The following SLC4A10 variants were observed in gnomAD, a reference collection of about 807,000 sequenced individuals.
The protein encoded by SLC4A10 is solute carrier family 4 member 10.
In SLC4A10, 42 loss-of-function variants were observed where a neutral mutation model predicts 137.7. The observed-to-expected ratio is 0.30, with a 90% confidence interval of 0.24 to 0.39. The LOEUF (loss-of-function observed/expected upper bound fraction) is 0.39. Ranked by LOEUF, SLC4A10 falls within the 10% of genes least tolerant of loss-of-function variation. The pLI, the probability that SLC4A10 is intolerant of heterozygous loss-of-function variation, is 1.00. For missense variants in SLC4A10, 925 were observed against 1,355.0 expected, an observed-to-expected ratio of 0.68 and a Z score of 4.98; for synonymous variants, 474 against 464.1, an observed-to-expected ratio of 1.02 and a Z score of -0.27.
intron 1 of SLC4A10, among the ~76,000 whole-genome samples, chr2:161,661,479 AG>A (rs1480402737): frequency 2.6e-5 from 4 of 152,290 alleles, no homozygotes; most frequent in Admixed American, 6.5e-5. Flanking sequence ...TCTCAAAAAA[AG>A]AGAGACAAGA....
chr2:161,883,810 A>G (rs923677876), intron 10 of SLC4A10, among the ~76,000 whole-genome samples: 1 of 151,990 alleles, frequency 6.6e-6, no homozygotes, highest in African/African-American at 2.4e-5. Context: ...ATTTTCTGTT[A>G]TGAAGACAGA....
At chr2:161,693,101 G>A (rs2042161955) in intron 1 of SLC4A10, among the ~76,000 whole-genome samples, 1 of 152,032 alleles carries the variant, frequency 6.6e-6, no homozygotes, top group South Asian at 2.1e-4. Flanking sequence ...GCAAGTTCGA[G>A]TGTATCACTT....
chr2:161,879,440 G>C (rs1258400423), intron 9 of SLC4A10, among the ~76,000 whole-genome samples, 152 bp downstream of exon 9: 1 of 151,912 alleles, frequency 6.6e-6, no homozygotes, highest in Non-Finnish European at 1.5e-5. Context: ...GTGGAGGAGG[G>C]GAAAAGTGCT....
At chr2:161,817,634 T>C (rs2057217806) in intron 3 of SLC4A10, among the ~76,000 whole-genome samples, 1 of 152,220 alleles carries the variant, frequency 6.6e-6, no homozygotes, top group Non-Finnish European at 1.5e-5. Flanking sequence ...AAGTCTTTAA[T>C]CCATCTTGAA....
chr2:161,772,557 A>C (rs1006337556), intron 2 of SLC4A10, among the ~76,000 whole-genome samples: 49 of 151,910 alleles, frequency 3.2e-4, no homozygotes, highest in African/African-American at 1.1e-3. Flanking sequence ...AATGGTGTGC[A>C]ATGCTTACTA....
intron 1 of SLC4A10, among the ~76,000 whole-genome samples, chr2:161,665,868 T>A (rs1204833432): frequency 6.7e-6 from 1 of 150,362 alleles, no homozygotes; most frequent in Non-Finnish European, 1.5e-5. Context: ...GTCATGAGCA[T>A]CCAAATGTTT....
At chr2:161,756,065 G>C (rs745626728) in intron 1 of SLC4A10, among the ~76,000 whole-genome samples, 1 of 152,072 alleles carries the variant, frequency 6.6e-6, no homozygotes, top group South Asian at 2.1e-4. Flanking sequence ...CACCGCACCT[G>C]GCCCCTTTAA....
intron 2 of SLC4A10, among the ~76,000 whole-genome samples, chr2:161,779,627 C>A (rs983439926): frequency 3.3e-5 from 5 of 151,758 alleles, no homozygotes; most frequent in African/African-American, 1.2e-4. Context: ...AATTGAAAAA[C>A]AGTTTTAAAA....
chr2:161,928,015 T>A (rs1490481380), intron 15 of SLC4A10, among the ~76,000 whole-genome samples: 5 of 150,624 alleles, frequency 3.3e-5, no homozygotes, highest in African/African-American at 1.2e-4. Context: ...AGCCATCCCA[T>A]TACTGGGTAT....
chr2:161,759,639 T>G (rs890673968), intron 1 of SLC4A10, among the ~76,000 whole-genome samples: 5 of 152,014 alleles, frequency 3.3e-5, no homozygotes, highest in Non-Finnish European at 5.9e-5. Context: ...GTTGATCATT[T>G]TTATGTCATC....
rs542933757 is a variant in SLC4A10 at position 161,792,125 on chromosome 2, T to C, written c.131-12324T>C. Among the ~76,000 whole-genome samples the C allele has an allele frequency of 2.6e-5, 4 of 152,302 alleles. No individual in the cohort carries two copies. The South Asian group carries it at 8.3e-4, about 32-fold the overall frequency. On this transcript the variant is annotated intron_variant, in intron 2 of 26. Transcript: ENST00000446997. ...ATAATAACTCACTCACTATTTGGTA[T>C]ATTTGCTCTTTAATGTGACATGACA...
chr2:161,979,280 A>G (rs1372506345), intron 26 of SLC4A10, among the ~76,000 whole-genome samples: 6 of 152,248 alleles, frequency 3.9e-5, no homozygotes, highest in Admixed American at 2.0e-4. Flanking sequence ...TTCACCAGAA[A>G]AATCTTTTTG....
chr2:161,879,059 C>A, intron 8 of SLC4A10, 72 bp from the exon 9 acceptor site: 1 of 1,342,120 alleles, frequency 7.5e-7, no homozygotes, highest in Non-Finnish European at 1.0e-6. Flanking sequence ...ATATGTGAAG[C>A]ACTGTGCAAG....
At chr2:161,747,890 T>G (rs948451577) in intron 1 of SLC4A10, among the ~76,000 whole-genome samples, 1 of 152,200 alleles carries the variant, frequency 6.6e-6, no homozygotes, top group Non-Finnish European at 1.5e-5. Flanking sequence ...CCATAATGGC[T>G]GTATCAATTT....
chr2:161,877,294 G>A (rs76196878), intron 8 of SLC4A10, among the ~76,000 whole-genome samples: 2,428 of 151,746 alleles, frequency 0.016, 66 homozygotes, highest in African/African-American at 0.056. Flanking sequence ...TATCAATTAT[G>A]GATTTTAAAA....
chr2:161,967,547 T>TA (rs1393137556), intron 23 of SLC4A10, among the ~76,000 whole-genome samples: 1 of 152,198 alleles, frequency 6.6e-6, no homozygotes, highest in Non-Finnish European at 1.5e-5. Context: ...ATGTGCTCCT[T>TA]ACAATTTTCA....
At chr2:161,701,622 G>T (rs2043125820) in intron 1 of SLC4A10, among the ~76,000 whole-genome samples, 1 of 151,850 alleles carries the variant, frequency 6.6e-6, no homozygotes, top group South Asian at 2.1e-4. Context: ...TATGCAGTAA[G>T]TTATTGTTGA....
Position 161,783,429 on chromosome 2 carries a change from AG to A in SLC4A10, c.130+12376del, listed in dbSNP as rs139763349. On this transcript the variant is annotated intron_variant, in intron 2 of 26. Coordinates refer to ENST00000446997, the MANE Select transcript of SLC4A10 (RefSeq NM_001178015.2). The stretch of plus-strand genomic sequence containing the variant: ...ACAAGATAGCATAAGAAAGTATAAA[AG>A]TATTGGTAAAGGTAAATATATAGAC... 6.4e-3 allele frequency among the ~76,000 whole-genome samples: 980 copies of A among 152,158 alleles called. 11 individuals carry two copies. Among genetic ancestry groups the A allele is most frequent in the African/African-American group, 0.022 (930 of 41,562 alleles).
chr2:161,754,341 C>T (rs1257666616), intron 1 of SLC4A10, among the ~76,000 whole-genome samples: 3 of 152,148 alleles, frequency 2.0e-5, no homozygotes, highest in East Asian at 3.9e-4. Context: ...TTTAAAATTG[C>T]AATAGAATTT....
Sources: allele counts gnomAD v4.1 joint callset (sites outside exome capture counted in the v4.1 genomes callset), GRCh38; gene constraint gnomAD v4.1.1; transcripts MANE v1.5; gene names NCBI Gene and HGNC (gene_info 2026-07-23, HGNC 2026-07-21).